TSPAN4: variants seen among roughly 807,000 people sequenced by gnomAD.
TSPAN4 encodes the protein tetraspanin-4.
A neutral mutation model predicts 31.5 loss-of-function variants in TSPAN4; 38 were observed. That is an observed-to-expected ratio of 1.21 (90% CI 0.93 to 1.58). The LOEUF (loss-of-function observed/expected upper bound fraction) is 1.58. Among genes scored for constraint, TSPAN4 ranks in the 40% most tolerant of loss-of-function variants. The pLI is 0.00. For synonymous variants in TSPAN4, 186 were observed against 144.6 expected (o/e 1.29, Z -2.06); for missense variants, 330 against 317.3 (o/e 1.04, Z -0.30).
intron 5 of TSPAN4, 40 bp downstream of exon 5, chr11:864,551 G>C (rs770212988): frequency 9.3e-6 from 15 of 1,607,570 alleles, no homozygotes; most frequent in Admixed American, 5.0e-5. Flanking sequence ...GCAGGGCTGG[G>C]GGCTCCATCC....
chr11:843,962 C>T (rs1291737755), intron 1 of TSPAN4: 1 of 152,404 alleles, frequency 6.6e-6, no homozygotes, highest in African/African-American at 2.4e-5. Flanking sequence ...TTTCCGCTCC[C>T]ACCCTGGCCA....
intron 3 of TSPAN4, among the ~76,000 whole-genome samples, chr11:861,159 C>T (rs1848434813): frequency 6.6e-6 from 1 of 152,220 alleles, no homozygotes; most frequent in African/African-American, 2.4e-5. Flanking sequence ...TCGTCTCCCC[C>T]TGCCTCTTCC....
intron 3 of TSPAN4, among the ~76,000 whole-genome samples, chr11:853,014 G>A (rs534464131): frequency 3.8e-4 from 58 of 152,170 alleles, no homozygotes; most frequent in African/African-American, 1.3e-3. Context: ...GGTGAGGAAA[G>A]TTGTGTGTGA....
rs143251946 is a variant in TSPAN4 at position 865,421 on chromosome 11, GAGGGGCCCAGCTT to G, written c.331-84_331-72del. 459 of 1,007,810 alleles carry G rather than the reference GAGGGGCCCAGCTT, an allele frequency of 4.6e-4. 1 individual carries two copies. The African/African-American group carries it at 6.9e-3, about 15-fold the overall frequency. 62.4% of individuals were successfully genotyped at this position (1,007,810 alleles called of 1,614,324 possible). On this transcript the variant is annotated intron_variant, in intron 5 of 8. Coordinates refer to ENST00000397397, the MANE Select transcript of TSPAN4 (RefSeq NM_003271.5). ...GCGGGGGACACAAGACCAGGCGCAG[GAGGGGCCCAGCTT>G]AGGGGCCGGCGAGGGGGTCTGGATG...
intron 3 of TSPAN4, among the ~76,000 whole-genome samples, chr11:856,041 C>G (rs1041676586): frequency 1.2e-4 from 19 of 152,202 alleles, no homozygotes; most frequent in Middle Eastern, 3.2e-3. Context: ...CCAAGGCCTA[C>G]AGGAGGCTCA....
chr11:850,518 C>T, intron 3 of TSPAN4, 151 bp downstream of exon 3: 1 of 676,348 alleles, frequency 1.5e-6, no homozygotes. Flanking sequence ...ACCGCTGCTC[C>T]GGCTAGGAGC....
intron 1 of TSPAN4, among the ~76,000 whole-genome samples, chr11:845,983 T>TTGGGAC (rs1330700384): frequency 1.3e-5 from 2 of 152,134 alleles, no homozygotes; most frequent in Admixed American, 1.3e-4. Flanking sequence ...GGGTGAGGGC[T>TTGGGAC]TGGGACGGGC....
chr11:849,197 C>G (rs1847483552), intron 2 of TSPAN4, among the ~76,000 whole-genome samples: 1 of 151,850 alleles, frequency 6.6e-6, no homozygotes, highest in Non-Finnish European at 1.5e-5. Context: ...GGCTGCCAGC[C>G]TCCTGCGGGG....
Position 865,699 on chromosome 11 carries a change from C to G in TSPAN4, c.438C>G (p.Arg146=), listed in dbSNP as rs951554347. The G allele has an allele frequency of 5.6e-6, 9 of 1,613,358 alleles. No individual in the cohort carries two copies. Among genetic ancestry groups the G allele is most frequent in the Non-Finnish European group, 7.6e-6 (9 of 1,179,938 alleles). Residue 146 remains arginine (R), a synonymous_variant, in exon 7 of 9, where the codon CGC becomes CGG. Coordinates refer to ENST00000397397, the MANE Select transcript of TSPAN4 (RefSeq NM_003271.5). The part of the protein sequence containing the change: ...NAWSIIQTDF[R]CCGVSNYTDW... ...GACCTGAGCTTGCCCCCCAGTTCCG[C>G]TGCTGTGGCGTCTCCAACTACACTG...
At chr11:865,349 G>C in intron 5 of TSPAN4, 164 bp from the exon 6 acceptor site, 1 of 619,994 alleles carries the variant, frequency 1.6e-6, no homozygotes, top group Non-Finnish European at 2.9e-6. Context: ...CAGGGCTGCT[G>C]GGAGGACATG....
chr11:850,290 CTG>C lies in TSPAN4; in HGVS notation c.-14_-13del. ...CCTCTCCTTCATCTTCCTCCTAGAA[CTG>C]AAGCGCTGCGGCATGGCGCGCGCCT... On this transcript the variant is annotated 5_prime_UTR_variant, in exon 3 of 9. Coordinates refer to ENST00000397397, the MANE Select transcript of TSPAN4 (RefSeq NM_003271.5). 1 of 1,606,208 alleles carries C rather than the reference CTG, an allele frequency of 6.2e-7. No individual in the cohort carries two copies. Among genetic ancestry groups the C allele is most frequent in the East Asian group, 2.2e-5 (1 of 44,656 alleles).
At chr11:846,040 G>A (rs1028524986) in intron 1 of TSPAN4, among the ~76,000 whole-genome samples, 1 of 152,212 alleles carries the variant, frequency 6.6e-6, no homozygotes, top group Non-Finnish European at 1.5e-5. Context: ...CCACAGCATA[G>A]GCTGTTTGTG....
intron 3 of TSPAN4, among the ~76,000 whole-genome samples, chr11:854,541 C>T (rs1373094659): frequency 6.6e-6 from 1 of 152,130 alleles, no homozygotes; most frequent in East Asian, 1.9e-4. Context: ...CAGTGTGAGT[C>T]TCGGAGCCAG....
At chr11:864,621 C>G (rs565240142) in intron 5 of TSPAN4, 110 bp downstream of exon 5, 1 of 1,414,592 alleles carries the variant, frequency 7.1e-7, no homozygotes, top group African/African-American at 1.4e-5. Context: ...TGTGCCCTCA[C>G]GGGCAGCCAG....
In TSPAN4 at chr11:865,972, A is replaced by C. The variant is rs745969342; in HGVS notation, c.619A>C (p.Ile207Leu). Residue 207 changes from isoleucine to leucine, a missense_variant, in exon 8 of 9, where the codon ATC becomes CTC. Transcript: ENST00000397397. The stretch of plus-strand genomic sequence containing the variant: ...TCAGGAGAACCTGCTGGCTGTGGGC[A>C]TCTTTGGGCTGTGCACGGCGCTGGT... ...WLQENLLAVG[I>L]FGLCTALVQI... The C allele has an allele frequency of 6.2e-7, 1 of 1,612,432 alleles. No homozygotes were observed. The highest frequency in any genetic ancestry group is 2.2e-5 in the East Asian group (1 of 44,876).
At chr11:860,808 G>A (rs1848413241) in intron 3 of TSPAN4, among the ~76,000 whole-genome samples, 1 of 152,140 alleles carries the variant, frequency 6.6e-6, no homozygotes, top group South Asian at 2.1e-4. Context: ...ATCAGGTTGA[G>A]GGGTGGCTTT....
Position 862,692 on chromosome 11 carries a change from T to C in TSPAN4, c.206T>C (p.Phe69Ser). The change falls in exon 4 of 9, where the codon TTC becomes TCC. Residue 69 changes from phenylalanine (F) to serine (S), a missense_variant. Phe to Ser is a radical substitution (Grantham distance 155, BLOSUM62 -2). Coordinates refer to ENST00000397397, the MANE Select transcript of TSPAN4 (RefSeq NM_003271.5). ...GGCGCCTTTGTCATGGCCATCGGCT[T>C]CGTGGGCTGCCTGGGTGCCATCAAG... ...ITGAFVMAIG[F>S]VGCLGAIKEN... 1 of 1,613,088 alleles carries C rather than the reference T, an allele frequency of 6.2e-7. No homozygotes were observed. The highest frequency in any genetic ancestry group is 8.5e-7 in the Non-Finnish European group (1 of 1,179,816).
At chr11:858,587 C>T in intron 3 of TSPAN4, 1 of 162,252 alleles carries the variant, frequency 6.2e-6, no homozygotes, top group Non-Finnish European at 1.3e-5. Flanking sequence ...GGCTCACACG[C>T]ACCCCTGCTC....
intron 5 of TSPAN4, chr11:865,263 C>T: frequency 3.7e-6 from 2 of 544,200 alleles, no homozygotes; most frequent in South Asian, 2.2e-5. Context: ...ACCTGTGTCC[C>T]TGTCCTCTGT....
Sources: allele counts gnomAD v4.1 joint callset (sites outside exome capture counted in the v4.1 genomes callset), GRCh38; gene constraint gnomAD v4.1.1; transcripts MANE v1.5; gene names NCBI Gene and HGNC (gene_info 2026-07-23, HGNC 2026-07-21).